The following CDH12 variants were observed in gnomAD, a reference collection of about 807,000 sequenced individuals.
CDH12 encodes cadherin 12.
In CDH12, 41 loss-of-function variants were observed where a neutral mutation model predicts 74.1. The ratio of observed to expected loss-of-function variants is 0.55; its 90% confidence interval spans 0.43 to 0.72. CDH12 has a LOEUF of 0.72. Ranked by LOEUF, CDH12 falls within the 30% of genes least tolerant of loss-of-function variation. CDH12 has a pLI of 0.00. For missense variants in CDH12, 945 were observed against 977.2 expected, an observed-to-expected ratio of 0.97 and a Z score of 0.44; for synonymous variants, 399 against 355.0, an observed-to-expected ratio of 1.12 and a Z score of -1.39.
At chr5:22,576,449 A>T (rs546720809) in intron 1 of CDH12, among the ~76,000 whole-genome samples, 1 of 152,322 alleles carries the variant, frequency 6.6e-6, no homozygotes, top group African/African-American at 2.4e-5. Flanking sequence ...TAGCACATTA[A>T]TCATAAATTG....
chr5:22,040,446 T>G (rs1739498389), intron 5 of CDH12, among the ~76,000 whole-genome samples: 1 of 152,154 alleles, frequency 6.6e-6, no homozygotes, highest in Non-Finnish European at 1.5e-5. Context: ...CATCCAGATA[T>G]GTGAAGCTTG....
At chr5:22,544,546 T>G (rs1018355268) in intron 1 of CDH12, among the ~76,000 whole-genome samples, 2 of 152,164 alleles carry the variant, frequency 1.3e-5, no homozygotes, top group Admixed American at 6.5e-5. Context: ...CCAGGCATGG[T>G]GGCTCACACC....
chr5:22,744,237 G>T (rs1745181048), intron 1 of CDH12, among the ~76,000 whole-genome samples: 1 of 152,038 alleles, frequency 6.6e-6, no homozygotes, highest in Non-Finnish European at 1.5e-5. Flanking sequence ...AGACCATCCT[G>T]GCTAACATGG....
At chr5:22,328,124 T>A (rs2150443091) in intron 3 of CDH12, among the ~76,000 whole-genome samples, 1 of 152,322 alleles carries the variant, frequency 6.6e-6, no homozygotes, top group Non-Finnish European at 1.5e-5. Context: ...TAAATCCTCC[T>A]GGGCCACCAA....
At chr5:21,937,851 G>A (rs1755145433) in intron 6 of CDH12, among the ~76,000 whole-genome samples, 1 of 152,164 alleles carries the variant, frequency 6.6e-6, no homozygotes, top group Non-Finnish European at 1.5e-5. Flanking sequence ...TGGGACCTTG[G>A]CAGACCTTCC....
intron 6 of CDH12, among the ~76,000 whole-genome samples, chr5:21,861,855 T>G (rs1404318987): frequency 1.3e-5 from 2 of 151,864 alleles, no homozygotes; most frequent in African/African-American, 2.4e-5. Context: ...GTATTTTTTA[T>G]TTTATGCTTG....
chr5:22,607,064 T>G (rs533710228), intron 1 of CDH12, among the ~76,000 whole-genome samples: 87 of 152,284 alleles, frequency 5.7e-4, no homozygotes, highest in African/African-American at 2.0e-3. Context: ...TTGAGAGAGA[T>G]AATTTAGTGT....
chr5:22,426,087 T>TGACGCAGGAGAATTGCTTGA (rs1332316829), intron 2 of CDH12, among the ~76,000 whole-genome samples: 1 of 151,186 alleles, frequency 6.6e-6, no homozygotes, highest in East Asian at 2.0e-4. Flanking sequence ...CTCAGGAGGC[T>TGACGCAGGAGAATTGCTTGA]GACGCAGGAG....
Position 21,978,953 on chromosome 5 carries a change from T to C in CDH12, c.232-3568A>G, listed in dbSNP as rs545471309. Among the ~76,000 whole-genome samples the C allele has an allele frequency of 2.1e-4, 31 of 144,454 alleles. No homozygotes were observed. The South Asian group carries it at 5.4e-3, about 25-fold the overall frequency. The allele number at this position is 144,454 out of a possible 152,430, so 94.8% of individuals were successfully genotyped here. On this transcript the variant is annotated intron_variant, in intron 5 of 14. Transcript: ENST00000382254. ...AATGGGATTCAGGCTTTGCTTACAA[T>C]GTGAAGGAAGTTCTTAGCCTCATTT...
intron 6 of CDH12, among the ~76,000 whole-genome samples, chr5:21,956,940 G>A (rs1011181477): frequency 3.3e-5 from 5 of 151,940 alleles, no homozygotes; most frequent in African/African-American, 1.2e-4. Flanking sequence ...TTTTAGGTTT[G>A]GGAGTACCTG....
At chr5:21,903,772 A>G (rs1170993141) in intron 6 of CDH12, among the ~76,000 whole-genome samples, 4 of 152,172 alleles carry the variant, frequency 2.6e-5, no homozygotes, top group Admixed American at 6.6e-5. Context: ...AGAAGTCAAA[A>G]GATACAGTGA....
intron 1 of CDH12, among the ~76,000 whole-genome samples, chr5:22,754,271 C>T (rs796764229): frequency 4.9e-4 from 74 of 152,304 alleles, no homozygotes; most frequent in African/African-American, 1.7e-3. Context: ...ACGACACTTT[C>T]GTGTTCTTGC....
intron 4 of CDH12, among the ~76,000 whole-genome samples, chr5:22,086,098 C>G (rs1273660707): frequency 6.6e-6 from 1 of 152,226 alleles, no homozygotes; most frequent in Admixed American, 6.5e-5. Flanking sequence ...ATAGCAAACC[C>G]TTAACACTCA....
At chr5:22,227,635 C>T (rs755920009) in intron 3 of CDH12, among the ~76,000 whole-genome samples, 1 of 152,074 alleles carries the variant, frequency 6.6e-6, no homozygotes, top group Non-Finnish European at 1.5e-5. Context: ...ACCTTCTCTA[C>T]AATTATTTAT....
intron 6 of CDH12, among the ~76,000 whole-genome samples, chr5:21,897,545 G>A (rs1018724679): frequency 3.3e-5 from 5 of 152,140 alleles, no homozygotes; most frequent in African/African-American, 1.2e-4. Context: ...TACTCAAAAT[G>A]AAACTGACAG....
chr5:22,526,393 C>T (rs1018650986), intron 1 of CDH12, among the ~76,000 whole-genome samples: 21 of 152,070 alleles, frequency 1.4e-4, no homozygotes, highest in Admixed American at 3.9e-4. Context: ...GACATAGACC[C>T]GGAGAATGGA....
At chr5:21,903,338 G>A (rs889026832) in intron 6 of CDH12, among the ~76,000 whole-genome samples, 14 of 152,112 alleles carry the variant, frequency 9.2e-5, no homozygotes, top group African/African-American at 3.4e-4. Flanking sequence ...TGTGAAAATA[G>A]TGCTAAAGAA....
At position 22,153,872 on chromosome 5, in the gene CDH12, G is replaced by T. The variant is rs7723219; in HGVS notation, c.-187+58626C>A. Among the ~76,000 whole-genome samples, 497 of 123,472 alleles carry T rather than the reference G, an allele frequency of 4.0e-3. 2 individuals carry two copies. Among genetic ancestry groups the T allele is most frequent in the African/African-American group, 5.9e-3 (174 of 29,472 alleles). The allele number at this position is 123,472 out of a possible 152,430, so 81.0% of individuals were successfully genotyped here. A position where few individuals can be genotyped will look rare whatever the true frequency, so the allele number is the denominator to read the frequency against. On this transcript the variant is annotated intron_variant, in intron 4 of 14. Transcript: ENST00000382254. ...TATGTGTGTGTGTATATATATATAT[G>T]TATATATATATATATAAATATATAT...
At position 22,137,037 on chromosome 5, in the gene CDH12, T is replaced by C. The variant is rs916761918; in HGVS notation, c.-186-58175A>G. Among the ~76,000 whole-genome samples, 12 of 151,244 alleles carry C rather than the reference T, an allele frequency of 7.9e-5. No individual in the cohort carries two copies. The East Asian group carries it at 1.4e-3, about 17-fold the overall frequency. On this transcript the variant is annotated intron_variant, in intron 4 of 14. Transcript: ENST00000382254. ...CATGAATTATTCTAAAATCGAAGCA[T>C]TTGTTAGTCTTAAGTGTGAATATCT...
Sources: gnomAD v4.1 joint callset for allele counts (sites outside exome capture counted in the v4.1 genomes callset) on GRCh38, gnomAD v4.1.1 for gene constraint, MANE v1.5 for transcripts, NCBI Gene and HGNC (gene_info 2026-07-23, HGNC 2026-07-21) for gene names.